FTO: variants seen among roughly 807,000 people sequenced by gnomAD.
The protein encoded by FTO is alpha-ketoglutarate-dependent dioxygenase FTO.
Under a neutral mutation model 63.9 loss-of-function variants are expected in FTO, and 47 were observed. The observed-to-expected ratio is 0.74, with a 90% CI of 0.58 to 0.94. FTO has a LOEUF of 0.94. FTO is among the 40% of genes least tolerant of loss of function. The pLI, the probability that FTO is intolerant of heterozygous loss-of-function variation, is 0.00. For missense variants in FTO, 562 were observed against 618.1 expected, an observed-to-expected ratio of 0.91 and a Z score of 0.96; for synonymous variants, 207 against 224.4, an observed-to-expected ratio of 0.92 and a Z score of 0.69.
At position 53,852,597 on chromosome 16, in the gene FTO, GTGT is replaced by G. The variant is rs1205968791; in HGVS notation, c.895+8304_895+8306del. Among the ~76,000 whole-genome samples, 5 of 152,306 alleles carry G rather than the reference GTGT, an allele frequency of 3.3e-5. No individual in the cohort carries two copies. The East Asian group carries it at 9.7e-4, about 29-fold the overall frequency. ...CCAGTACATAATGATGTTGATGTAA[GTGT>G]TGTTTATTGCAAAATGAGATAGAGT... On this transcript the variant is annotated intron_variant, in intron 4 of 8. Coordinates refer to ENST00000471389, the MANE Select transcript of FTO (RefSeq NM_001080432.3).
chr16:54,104,053 A>G (rs1182960838), intron 8 of FTO, among the ~76,000 whole-genome samples: 7 of 152,196 alleles, frequency 4.6e-5, no homozygotes, highest in African/African-American at 1.7e-4. Flanking sequence ...TATGAAAAAT[A>G]CTTATCTTTA....
chr16:53,977,227 G>T (rs2083452944), intron 8 of FTO, among the ~76,000 whole-genome samples: 1 of 151,962 alleles, frequency 6.6e-6, no homozygotes, highest in African/African-American at 2.4e-5. Flanking sequence ...AGGGGAGGAG[G>T]TTATCTACTG....
At chr16:53,780,633 G>A (rs1256057676) in intron 1 of FTO, among the ~76,000 whole-genome samples, 1 of 152,056 alleles carries the variant, frequency 6.6e-6, no homozygotes, top group Non-Finnish European at 1.5e-5. Flanking sequence ...GCCTCCCAAA[G>A]TGCTAGGATT....
At chr16:53,914,949 C>A (rs1358008748) in intron 7 of FTO, among the ~76,000 whole-genome samples, 1 of 152,164 alleles carries the variant, frequency 6.6e-6, no homozygotes, top group Non-Finnish European at 1.5e-5. Context: ...CTTTTGTTTT[C>A]ATTAATGTAT....
chr16:54,055,909 T>C (rs1438745384), intron 8 of FTO, among the ~76,000 whole-genome samples: 1 of 152,184 alleles, frequency 6.6e-6, no homozygotes, highest in Non-Finnish European at 1.5e-5. Context: ...AGAATGAAGG[T>C]GTTTTGATAC....
intron 8 of FTO, among the ~76,000 whole-genome samples, chr16:53,996,300 G>A (rs1386257861): frequency 6.6e-6 from 1 of 152,160 alleles, no homozygotes; most frequent in Admixed American, 6.5e-5. Flanking sequence ...AGTGGAGACA[G>A]CATCCTAAGA....
chr16:54,033,151 T>C (rs1305994164), intron 8 of FTO, among the ~76,000 whole-genome samples: 1 of 152,204 alleles, frequency 6.6e-6, no homozygotes, highest in African/African-American at 2.4e-5. Context: ...GTTAAAAGGT[T>C]TTCTTATCAT....
At chr16:54,054,917 C>T (rs1279317854) in intron 8 of FTO, among the ~76,000 whole-genome samples, 3 of 152,150 alleles carry the variant, frequency 2.0e-5, no homozygotes, top group Non-Finnish European at 4.4e-5. Flanking sequence ...GCAGTTGAAT[C>T]ACCCCATTGA....
At chr16:54,070,584 A>G (rs2085846084) in intron 8 of FTO, 1 of 152,142 alleles carries the variant, frequency 6.6e-6, no homozygotes, top group South Asian at 2.1e-4. Context: ...TGCTATTCTC[A>G]TGCGTTTCTT....
At chr16:53,728,653 G>A (rs1286173588) in intron 1 of FTO, among the ~76,000 whole-genome samples, 2 of 152,114 alleles carry the variant, frequency 1.3e-5, no homozygotes, top group African/African-American at 2.4e-5. Context: ...ATTTTGGTTG[G>A]TCACAGAAGA....
intron 1 of FTO, among the ~76,000 whole-genome samples, chr16:53,769,711 T>C (rs548300965): frequency 6.6e-6 from 1 of 152,186 alleles, no homozygotes; most frequent in South Asian, 2.1e-4. Context: ...TGATTTTTGC[T>C]GCAAAAATCA....
rs151253015 is a variant in FTO at position 54,027,823 on chromosome 16, A to G, written c.1365-83939A>G. ...AGGCAGAGAGTGTACTCTTGTTTAT[A>G]GTGTATTGTTCTCACTGTATTTCTC... On this transcript the variant is annotated intron_variant, in intron 8 of 8. Transcript: ENST00000471389. Among the ~76,000 whole-genome samples, 580 of 152,216 alleles carry G rather than the reference A, an allele frequency of 3.8e-3. 4 individuals are homozygous for G. Among genetic ancestry groups the G allele is most frequent in the African/African-American group, 0.013 (547 of 41,536 alleles).
intron 3 of FTO, among the ~76,000 whole-genome samples, chr16:53,842,568 A>C (rs1196935454): frequency 2.6e-5 from 4 of 152,134 alleles, no homozygotes; most frequent in Non-Finnish European, 5.9e-5. Flanking sequence ...GTTGTATTCC[A>C]GTCTTGTGTA....
At chr16:53,867,857 C>T (rs1336090713) in intron 4 of FTO, among the ~76,000 whole-genome samples, 1 of 152,044 alleles carries the variant, frequency 6.6e-6, no homozygotes, top group Non-Finnish European at 1.5e-5. Context: ...TCAGTTTTTG[C>T]CTTATACATT....
intron 1 of FTO, among the ~76,000 whole-genome samples, chr16:53,772,390 C>A (rs753657746): frequency 1.6e-4 from 24 of 152,094 alleles, no homozygotes; most frequent in Non-Finnish European, 2.5e-4. Context: ...ACATCCTATT[C>A]TCAGGAGACT....
intron 8 of FTO, among the ~76,000 whole-genome samples, chr16:53,974,426 A>G (rs1312092147): frequency 6.6e-6 from 1 of 152,238 alleles, no homozygotes; most frequent in African/African-American, 2.4e-5. Context: ...AAGATGGCTA[A>G]TAAAAACATC....
intron 8 of FTO, among the ~76,000 whole-genome samples, chr16:54,028,173 A>G (rs1324220377): frequency 6.6e-6 from 1 of 152,202 alleles, no homozygotes; most frequent in Non-Finnish European, 1.5e-5. Context: ...AGATTTGTCT[A>G]ATCTGTCATT....
At chr16:53,831,699 G>A (rs1046555110) in intron 3 of FTO, among the ~76,000 whole-genome samples, 8 of 152,186 alleles carry the variant, frequency 5.3e-5, no homozygotes, top group African/African-American at 1.9e-4. Context: ...ATTTTAGGTA[G>A]GAGAGCCAGG....
At chr16:54,093,514 G>A (rs752879659) in intron 8 of FTO, among the ~76,000 whole-genome samples, 4 of 152,154 alleles carry the variant, frequency 2.6e-5, no homozygotes, top group Admixed American at 1.3e-4. Context: ...CTGACTCACC[G>A]CCGAGCTCTG....
Sources: gnomAD v4.1 joint callset for allele counts (sites outside exome capture counted in the v4.1 genomes callset) on GRCh38, gnomAD v4.1.1 for gene constraint, MANE v1.5 for transcripts, NCBI Gene and HGNC (gene_info 2026-07-23, HGNC 2026-07-21) for gene names.